The following KIAA0232 variants were observed in gnomAD, a reference collection of about 807,000 sequenced individuals.
The protein encoded by KIAA0232 is KIAA0232.
A neutral mutation model predicts 122.0 loss-of-function variants in KIAA0232; 27 were observed. That is an observed-to-expected ratio of 0.22 (90% CI 0.16 to 0.31). The LOEUF (loss-of-function observed/expected upper bound fraction) is 0.31. KIAA0232 is among the 10% of genes least tolerant of loss of function. KIAA0232 has a pLI of 1.00. For missense variants in KIAA0232, 1,551 were observed against 1,634.2 expected (o/e 0.95, Z 0.88); for synonymous variants, 613 against 587.6 (o/e 1.04, Z -0.63).
chr4:6,836,066 C>A (rs1292326896), intron 3 of KIAA0232, among the ~76,000 whole-genome samples: 1 of 152,196 alleles, frequency 6.6e-6, no homozygotes, highest in African/African-American at 2.4e-5. Flanking sequence ...AATGGTTGAA[C>A]TAATTTACAG....
chr4:6,836,819 A>G (rs1719310468), intron 3 of KIAA0232, among the ~76,000 whole-genome samples: 1 of 151,070 alleles, frequency 6.6e-6, no homozygotes, highest in South Asian at 2.1e-4. Flanking sequence ...AATCCATTTA[A>G]CCCTTAGTGG....
Position 6,855,022 on chromosome 4 carries a change from A to G in KIAA0232, c.370-2142A>G, listed in dbSNP as rs1264320464. ...TGATGACAGCTTCTGCTGTGCCTCTATGCTTCCCAGCTTGCTGTGATGGTG... is the reference window on the plus strand; with the variant it reads ...TGATGACAGCTTCTGCTGTGCCTCTGTGCTTCCCAGCTTGCTGTGATGGTG... On this transcript the variant is annotated intron_variant, in intron 4 of 9. Transcript: ENST00000307659. This position sits in a 1 kb window ranked among gnomAD's most constrained non-coding sequence, Gnocchi z 4.3. Among the ~76,000 whole-genome samples, 1 of 152,026 alleles carries G rather than the reference A, an allele frequency of 6.6e-6. No homozygotes were observed. Among genetic ancestry groups the G allele is most frequent in the Non-Finnish European group, 1.5e-5 (1 of 67,982 alleles).
intron 4 of KIAA0232, among the ~76,000 whole-genome samples, chr4:6,850,169 TA>T (rs143182523): frequency 8.6e-4 from 131 of 152,228 alleles, no homozygotes; most frequent in African/African-American, 2.9e-3. Context: ...TGCGTGGGGT[TA>T]GGGGCTGGGG....
At chr4:6,791,712 A>G (rs1428908714) in intron 1 of KIAA0232, among the ~76,000 whole-genome samples, 1 of 152,194 alleles carries the variant, frequency 6.6e-6, no homozygotes, top group Non-Finnish European at 1.5e-5. Context: ...TGAAGACCAC[A>G]GATAAATTTT....
intron 1 of KIAA0232, among the ~76,000 whole-genome samples, chr4:6,796,696 A>G (rs867538120): frequency 1.7e-4 from 26 of 152,346 alleles, no homozygotes; most frequent in Middle Eastern, 3.4e-3. Context: ...TGGCCCTTAA[A>G]AGTTTGGTCA....
chr4:6,792,036 A>C (rs1388975336), intron 1 of KIAA0232, among the ~76,000 whole-genome samples: 1 of 152,160 alleles, frequency 6.6e-6, no homozygotes, highest in Non-Finnish European at 1.5e-5. Context: ...GTAAGAGGTG[A>C]CTTTGCTCCT....
chr4:6,867,868 C>T (rs571982928), intron 7 of KIAA0232, among the ~76,000 whole-genome samples: 66 of 152,316 alleles, frequency 4.3e-4, no homozygotes, highest in African/African-American at 1.5e-3. Context: ...GTGTGGGGGA[C>T]AGGCAAAGCA....
Position 6,845,777 on chromosome 4 carries a change from G to A in KIAA0232, c.369+3573G>A, listed in dbSNP as rs546828214. The stretch of plus-strand genomic sequence containing the variant: ...CTAGCCTTTGACTCACGGTTAAGCT[G>A]GGGAAATGACAGGGGCAGCTGAAAT... On this transcript the variant is annotated intron_variant, in intron 4 of 9. Coordinates refer to ENST00000307659, the MANE Select transcript of KIAA0232 (RefSeq NM_014743.3). Among the ~76,000 whole-genome samples, 10 of 152,244 alleles carry A rather than the reference G, an allele frequency of 6.6e-5. No homozygotes were observed. In the South Asian group the frequency reaches 2.1e-3, roughly 32 times the overall value.
chr4:6,805,585 C>G (rs1022771897), intron 2 of KIAA0232, among the ~76,000 whole-genome samples: 2 of 152,088 alleles, frequency 1.3e-5, no homozygotes, highest in African/African-American at 4.8e-5. Context: ...CTCATTGAAA[C>G]TCAGAAGATA....
At chr4:6,872,979 A>G (rs1475501610) in intron 8 of KIAA0232, among the ~76,000 whole-genome samples, 1 of 152,180 alleles carries the variant, frequency 6.6e-6, no homozygotes, top group East Asian at 1.9e-4. Flanking sequence ...CCAGAGGTTC[A>G]TCTGGGTCAT....
At chr4:6,785,083 G>T (rs1397063054) in intron 1 of KIAA0232, among the ~76,000 whole-genome samples, 1 of 152,032 alleles carries the variant, frequency 6.6e-6, no homozygotes, top group Non-Finnish European at 1.5e-5. Context: ...GACTACAGGT[G>T]CATGCCACCA....
chr4:6,877,181 G>A (rs945509652), intron 9 of KIAA0232, among the ~76,000 whole-genome samples: 5 of 151,982 alleles, frequency 3.3e-5, no homozygotes, highest in South Asian at 2.1e-4. Flanking sequence ...GCTTGTTGCC[G>A]CTGTCCCGGC....
At position 6,855,883 on chromosome 4, in the gene KIAA0232, C is replaced by T. The variant is rs1720543695; in HGVS notation, c.370-1281C>T. On this transcript the variant is annotated intron_variant, in intron 4 of 9. Coordinates refer to ENST00000307659, the MANE Select transcript of KIAA0232 (RefSeq NM_014743.3). The surrounding 1 kb of genome is among the most constrained non-coding windows in gnomAD (Gnocchi z 4.3). The stretch of plus-strand genomic sequence containing the variant: ...TGGAATATAATTGCCGTCCTTGTCA[C>T]ACCTTGAGCATTATGGTAAGCAGGT... 3 of 984,716 alleles carry T rather than the reference C, an allele frequency of 3.0e-6. No individual in the cohort carries two copies. The highest frequency in any genetic ancestry group is 9.4e-5 in the South Asian group (2 of 21,260). 61.0% of individuals were successfully genotyped at this position (984,716 alleles called of 1,614,324 possible).
intron 3 of KIAA0232, among the ~76,000 whole-genome samples, chr4:6,839,507 G>A (rs1719528166): frequency 6.6e-6 from 1 of 152,194 alleles, no homozygotes; most frequent in Non-Finnish European, 1.5e-5. Flanking sequence ...TCAATACAGA[G>A]AAAACTAGGG....
chr4:6,874,053 CT>C (rs1721628112), intron 8 of KIAA0232, among the ~76,000 whole-genome samples: 1 of 152,216 alleles, frequency 6.6e-6, no homozygotes, highest in Non-Finnish European at 1.5e-5. Context: ...GCATTGTCCC[CT>C]TTACAGTAAG....
intron 3 of KIAA0232, among the ~76,000 whole-genome samples, chr4:6,839,888 C>T (rs1719552473): frequency 6.6e-6 from 1 of 152,074 alleles, no homozygotes; most frequent in South Asian, 2.1e-4. Context: ...TATAGTTAAC[C>T]TGAAATTATG....
rs1251549164 is a variant in KIAA0232, at chr4:6,882,977, A to G, written c.*2011A>G. 1.6e-4 allele frequency: 24 copies of G among 152,450 alleles called. No homozygotes were observed. The highest frequency in any genetic ancestry group is 1.6e-3 in the Admixed American group (24 of 15,284). The allele number at this position is 152,450 out of a possible 1,614,324, so 9.4% of individuals were successfully genotyped here. A position where few individuals can be genotyped will look rare whatever the true frequency, so the allele number is the denominator to read the frequency against. ...AGGTGGCAAAGGTGCACACTTCCTCAGACACAGGTGAGAAGATGCAGCACC... is the reference window on the plus strand; with the variant it reads ...AGGTGGCAAAGGTGCACACTTCCTCGGACACAGGTGAGAAGATGCAGCACC... On this transcript the variant is annotated 3_prime_UTR_variant, in exon 10 of 10. Transcript: ENST00000307659.
chr4:6,833,067 T>C (rs1719076240), intron 3 of KIAA0232, among the ~76,000 whole-genome samples: 1 of 152,246 alleles, frequency 6.6e-6, no homozygotes, highest in Non-Finnish European at 1.5e-5. Flanking sequence ...AACATACTCC[T>C]GTAGCGTGTC....
chr4:6,820,571 A>T (rs1359166924), intron 2 of KIAA0232, among the ~76,000 whole-genome samples: 6 of 152,176 alleles, frequency 3.9e-5, no homozygotes, highest in Admixed American at 1.3e-4. Context: ...GAACTTAATA[A>T]TAGTATTCTT....
Sources: allele counts gnomAD v4.1 joint callset (sites outside exome capture counted in the v4.1 genomes callset), GRCh38; gene constraint gnomAD v4.1.1; non-coding constraint Gnocchi (gnomAD v3.1); transcripts MANE v1.5; gene names NCBI Gene and HGNC (gene_info 2026-07-23, HGNC 2026-07-21).